DLG2: variants seen among roughly 807,000 people sequenced by gnomAD.
DLG2 encodes the protein discs large MAGUK scaffold protein 2.
A neutral mutation model predicts 132.5 loss-of-function variants in DLG2; 45 were observed. The ratio of observed to expected loss-of-function variants is 0.34; its 90% CI spans 0.27 to 0.44. DLG2 has a LOEUF of 0.44. Among genes scored for constraint, DLG2 ranks in the 20% least tolerant of loss-of-function variants. The probability of loss-of-function intolerance (pLI) is 1.00; values close to 1 mark genes in which losing one functional copy is unlikely to be tolerated. For missense variants in DLG2, 1,045 were observed against 1,196.9 expected, an observed-to-expected ratio of 0.87 and a Z score of 1.87; for synonymous variants, 424 against 419.6, an observed-to-expected ratio of 1.01 and a Z score of -0.13.
chr11:85,184,367 C>G (rs1438942896), intron 4 of DLG2, among the ~76,000 whole-genome samples: 1 of 146,608 alleles, frequency 6.8e-6, no homozygotes, highest in Non-Finnish European at 1.5e-5. Flanking sequence ...TTTTTAGGAA[C>G]AGGTGTGCAT....
chr11:84,823,822 T>C (rs1040354340), intron 6 of DLG2, among the ~76,000 whole-genome samples: 3 of 151,848 alleles, frequency 2.0e-5, no homozygotes, highest in African/African-American at 4.8e-5. Flanking sequence ...CTCAATGATA[T>C]TTGCTGAATG....
intron 18 of DLG2, among the ~76,000 whole-genome samples, chr11:83,669,027 A>G (rs984258610): frequency 6.6e-6 from 1 of 152,068 alleles, no homozygotes; most frequent in Non-Finnish European, 1.5e-5. Flanking sequence ...TTTATGGCCA[A>G]AGAATTTCCT....
chr11:83,682,300 G>T (rs1047531121), intron 18 of DLG2: 2 of 985,246 alleles, frequency 2.0e-6, no homozygotes, highest in Non-Finnish European at 2.4e-6. Context: ...GAACTCACTA[G>T]CGGAACCTGA....
In DLG2 at chr11:83,507,505, C is replaced by A. The variant is rs1457980159; in HGVS notation, c.2194-23277G>T. 5.7e-5 allele frequency among the ~76,000 whole-genome samples: 8 copies of A among 141,174 alleles called. No individual in the cohort carries two copies. In the East Asian group the frequency reaches 1.7e-3, roughly 29 times the overall value. The allele number at this position is 141,174 out of a possible 152,430, so 92.6% of individuals were successfully genotyped here. ...TATCCATATATATACACATATATAT[C>A]CTCTATATATATATCCATATATATA... On this transcript the variant is annotated intron_variant, in intron 21 of 27. Transcript: ENST00000376104.
chr11:84,355,435 G>A (rs537120382), intron 7 of DLG2, among the ~76,000 whole-genome samples: 32 of 152,082 alleles, frequency 2.1e-4, no homozygotes, highest in Admixed American at 2.0e-3. Context: ...CATTATAAAA[G>A]AGTCCCCAGA....
intron 8 of DLG2, among the ~76,000 whole-genome samples, chr11:84,165,031 T>C (rs7928086): frequency 0.012 from 1,867 of 152,198 alleles, 35 homozygotes; most frequent in African/African-American, 0.043. Context: ...CACTTCAAAC[T>C]CCTTGTATGT....
chr11:84,207,059 A>ATCTCTCTC (rs35772503), intron 8 of DLG2, among the ~76,000 whole-genome samples: 12 of 145,512 alleles, frequency 8.2e-5, no homozygotes, highest in South Asian at 2.2e-4. Flanking sequence ...ATAAGAATAA[A>ATCTCTCTC]TCTCTCTCTC....
chr11:84,572,235 G>C (rs1304059482), intron 6 of DLG2, among the ~76,000 whole-genome samples: 2 of 152,078 alleles, frequency 1.3e-5, no homozygotes, highest in Admixed American at 1.3e-4. Flanking sequence ...TGATGTTGTA[G>C]ATTACAAAAA....
Position 85,308,178 on chromosome 11 carries a change from A to ATAAAATAAT in DLG2, c.41-22814_41-22813insATTATTTTA, listed in dbSNP as rs1555044667. ...CAAAAAATAAAATAAAATAAAATAA[A>ATAAAATAAT]ATAAAATAAAATAAAATAAAACAAG... On this transcript the variant is annotated intron_variant, in intron 3 of 27. Coordinates refer to ENST00000376104, the MANE Select transcript of DLG2 (RefSeq NM_001142699.3). Among the ~76,000 whole-genome samples the ATAAAATAAT allele has an allele frequency of 4.2e-5, 6 of 143,382 alleles. 1 individual carries two copies. Among genetic ancestry groups the ATAAAATAAT allele is most frequent in the Admixed American group, 1.4e-4 (2 of 14,398 alleles). The allele number at this position is 143,382 out of a possible 152,430, so 94.1% of individuals were successfully genotyped here.
Position 84,059,173 on chromosome 11 carries a change from G to A in DLG2, c.919+142C>T, listed in dbSNP as rs187898505. ...AGAGTACTGGTTTCCTTTACCCTTT[G>A]TAACCACTACTGTAGGATTTTAAAT... On this transcript the variant is annotated intron_variant, in intron 11 of 27. Coordinates refer to ENST00000376104, the MANE Select transcript of DLG2 (RefSeq NM_001142699.3). 9.3e-5 allele frequency: 65 copies of A among 702,272 alleles called. No individual in the cohort carries two copies. The East Asian group carries it at 1.8e-3, about 19-fold the overall frequency. 43.5% of individuals were successfully genotyped at this position (702,272 alleles called of 1,614,324 possible).
intron 8 of DLG2, among the ~76,000 whole-genome samples, chr11:84,247,598 T>C (rs1368308847): frequency 2.0e-5 from 3 of 152,162 alleles, no homozygotes; most frequent in East Asian, 3.9e-4. Flanking sequence ...TGACCTCATA[T>C]AAGACAGAGC....
At chr11:84,827,009 T>A (rs1477569204) in intron 6 of DLG2, among the ~76,000 whole-genome samples, 1 of 151,790 alleles carries the variant, frequency 6.6e-6, no homozygotes, top group African/African-American at 2.4e-5. Context: ...TTAACAAAAC[T>A]CAATTTTTTT....
chr11:84,501,160 G>C (rs114424727), intron 7 of DLG2, among the ~76,000 whole-genome samples: 1 of 152,052 alleles, frequency 6.6e-6, no homozygotes, highest in South Asian at 2.1e-4. Context: ...CTCCAATATG[G>C]GGAATATAAG....
At chr11:84,750,604 T>C (rs532825774) in intron 6 of DLG2, among the ~76,000 whole-genome samples, 2 of 152,306 alleles carry the variant, frequency 1.3e-5, no homozygotes, top group Non-Finnish European at 2.9e-5. Flanking sequence ...TATACTCTTA[T>C]GTTCATGACA....
intron 19 of DLG2, among the ~76,000 whole-genome samples, chr11:83,629,674 T>G (rs942038014): frequency 1.7e-4 from 26 of 152,162 alleles, no homozygotes; most frequent in African/African-American, 6.3e-4. Flanking sequence ...TATACCAGCT[T>G]TTATCAGCTA....
intron 5 of DLG2, among the ~76,000 whole-genome samples, chr11:85,118,613 T>C (rs1274283161): frequency 6.6e-6 from 1 of 152,000 alleles, no homozygotes; most frequent in Non-Finnish European, 1.5e-5. Flanking sequence ...ATTTCCTAGA[T>C]GTATGATGAA....
At chr11:85,006,180 A>C (rs1479118043) in intron 6 of DLG2, among the ~76,000 whole-genome samples, 2 of 151,928 alleles carry the variant, frequency 1.3e-5, no homozygotes, top group African/African-American at 4.8e-5. Flanking sequence ...TTGGCCTGAA[A>C]TTTTCGTTTT....
At chr11:84,588,952 G>T (rs1417389625) in intron 6 of DLG2, among the ~76,000 whole-genome samples, 1 of 152,076 alleles carries the variant, frequency 6.6e-6, no homozygotes, top group African/African-American at 2.4e-5. Context: ...CTCTCTTGGG[G>T]TCTGGATTGG....
intron 7 of DLG2, among the ~76,000 whole-genome samples, chr11:84,478,806 G>A (rs1360880539): frequency 6.6e-6 from 1 of 151,838 alleles, no homozygotes; most frequent in African/African-American, 2.4e-5. Context: ...TAAAAATCTA[G>A]GCTTAAGCTG....
Sources: gnomAD v4.1 joint callset for allele counts (sites outside exome capture counted in the v4.1 genomes callset) on GRCh38, gnomAD v4.1.1 for gene constraint, MANE v1.5 for transcripts, NCBI Gene and HGNC (gene_info 2026-07-23, HGNC 2026-07-21) for gene names.